ITPR2: variants seen among roughly 807,000 people sequenced by gnomAD.
ITPR2 encodes the protein inositol 1,4,5-trisphosphate receptor type 2.
In ITPR2, 207 loss-of-function variants were observed where a neutral mutation model predicts 317.1. The ratio of observed to expected loss-of-function variants is 0.65; its 90% CI spans 0.58 to 0.73. The LOEUF is 0.73. Among genes scored for constraint, ITPR2 ranks in the 30% least tolerant of loss-of-function variants. ITPR2 has a pLI of 0.00. For missense variants in ITPR2, 2,613 were observed against 3,284.0 expected (o/e 0.80, Z 4.99); for synonymous variants, 1,156 against 1,149.1 (o/e 1.01, Z -0.12).
chr12:26,772,491 C>CATGTATTATATATATAATAT (rs3064583), intron 2 of ITPR2, among the ~76,000 whole-genome samples: 12,609 of 98,874 alleles, frequency 0.13, 1,793 homozygotes, highest in Non-Finnish European at 0.2. Context: ...ATATATAATA[C>CATGTATTATATATATAATAT]ATATAATACA....
At chr12:26,489,111 T>C (rs1942738372) in intron 39 of ITPR2, among the ~76,000 whole-genome samples, 1 of 152,156 alleles carries the variant, frequency 6.6e-6, no homozygotes, top group Non-Finnish European at 1.5e-5. Context: ...AACAACACGA[T>C]TTTAAAAAGG....
At chr12:26,811,434 C>A (rs1950743482) in intron 1 of ITPR2, among the ~76,000 whole-genome samples, 1 of 151,100 alleles carries the variant, frequency 6.6e-6, no homozygotes, top group African/African-American at 2.4e-5. Context: ...CGCGGTGAAA[C>A]CCCATCTCTA....
At chr12:26,414,848 T>G (rs868415851) in intron 51 of ITPR2, among the ~76,000 whole-genome samples, 1 of 152,156 alleles carries the variant, frequency 6.6e-6, no homozygotes, top group Non-Finnish European at 1.5e-5. Flanking sequence ...TCTTATGATC[T>G]GGTGGTTTCA....
chr12:26,655,019 T>C (rs1352260725), intron 20 of ITPR2, among the ~76,000 whole-genome samples: 2 of 152,236 alleles, frequency 1.3e-5, no homozygotes, highest in Non-Finnish European at 2.9e-5. Flanking sequence ...TGGAGTAATT[T>C]GTTATACACC....
intron 1 of ITPR2, among the ~76,000 whole-genome samples, chr12:26,805,366 C>T (rs962896192): frequency 6.6e-6 from 1 of 152,174 alleles, no homozygotes; most frequent in Admixed American, 6.5e-5. Context: ...CCATCATTAT[C>T]ATCATTATTA....
intron 10 of ITPR2, among the ~76,000 whole-genome samples, chr12:26,691,762 G>A (rs186721248): frequency 6.6e-6 from 1 of 151,936 alleles, no homozygotes; most frequent in Admixed American, 6.6e-5. Context: ...TTCTGTTGTT[G>A]GGAGCCAGAG....
intron 36 of ITPR2, among the ~76,000 whole-genome samples, chr12:26,551,117 T>G (rs182667240): frequency 6.6e-6 from 1 of 152,168 alleles, no homozygotes; most frequent in Middle Eastern, 3.2e-3. Context: ...ATAGCTCATG[T>G]TGTTAAAAAG....
At chr12:26,619,335 C>A (rs1285946292) in intron 26 of ITPR2, among the ~76,000 whole-genome samples, 1 of 152,166 alleles carries the variant, frequency 6.6e-6, no homozygotes, top group Non-Finnish European at 1.5e-5. Context: ...CTGTTGGTTG[C>A]TAACCAACAT....
intron 2 of ITPR2, among the ~76,000 whole-genome samples, chr12:26,737,013 T>C (rs1335472376): frequency 6.6e-6 from 1 of 152,180 alleles, no homozygotes. Flanking sequence ...AACTTCTACA[T>C]GTAAACGAGG....
intron 45 of ITPR2, among the ~76,000 whole-genome samples, chr12:26,474,229 G>A (rs1942358254): frequency 6.6e-6 from 1 of 152,092 alleles, no homozygotes; most frequent in African/African-American, 2.4e-5. Flanking sequence ...AAACGTACAG[G>A]GAAACAGAAG....
At chr12:26,641,153 T>C (rs1178459961) in intron 21 of ITPR2, among the ~76,000 whole-genome samples, 1 of 152,136 alleles carries the variant, frequency 6.6e-6, no homozygotes, top group Non-Finnish European at 1.5e-5. Flanking sequence ...AAGAGATCTT[T>C]AGCTGGTAAA....
chr12:26,499,004 C>T (rs1943010643), intron 37 of ITPR2, among the ~76,000 whole-genome samples: 1 of 152,098 alleles, frequency 6.6e-6, no homozygotes, highest in African/African-American at 2.4e-5. Flanking sequence ...CTGGAAGAAT[C>T]TTTTAATCAC....
chr12:26,483,932 C>A lies in ITPR2; in HGVS notation c.5812-34G>T, dbSNP rs371773342. On this transcript the variant is annotated intron_variant, in intron 41 of 56. Transcript: ENST00000381340. ...AAAAGAAAATAAAATTGAAGGGTTACAAAAATTCACTGTGCTGATTGTTTG... is the reference window on the plus strand; with the variant it reads ...AAAAGAAAATAAAATTGAAGGGTTAAAAAAATTCACTGTGCTGATTGTTTG... 1.1e-4 allele frequency: 163 copies of A among 1,551,858 alleles called. No homozygotes were observed. The African/African-American group carries it at 1.9e-3, about 18-fold the overall frequency.
chr12:26,629,035 C>G (rs1264445191), intron 22 of ITPR2, among the ~76,000 whole-genome samples: 1 of 152,170 alleles, frequency 6.6e-6, no homozygotes, highest in Admixed American at 6.5e-5. Flanking sequence ...CCTACATTCT[C>G]AAAAGTGTCG....
At chr12:26,596,760 C>CAATT in intron 31 of ITPR2, 123 bp downstream of exon 31, 1 of 673,790 alleles carries the variant, frequency 1.5e-6, no homozygotes, top group Non-Finnish European at 2.2e-6. Flanking sequence ...TAGTTAAATA[C>CAATT]AATTCCCTGA....
chr12:26,416,834 A>C (rs2136681196), intron 50 of ITPR2, among the ~76,000 whole-genome samples: 1 of 152,262 alleles, frequency 6.6e-6, no homozygotes, highest in South Asian at 2.1e-4. Context: ...ATTTTTCTTT[A>C]AGTCAACTCA....
intron 37 of ITPR2, among the ~76,000 whole-genome samples, chr12:26,533,625 T>C (rs1944004449): frequency 6.6e-6 from 1 of 152,178 alleles, no homozygotes; most frequent in Non-Finnish European, 1.5e-5. Context: ...TGGACCCTAA[T>C]TCAATATTAC....
At chr12:26,825,334 T>C (rs1037483300) in intron 1 of ITPR2, among the ~76,000 whole-genome samples, 18 of 152,238 alleles carry the variant, frequency 1.2e-4, no homozygotes, top group Admixed American at 6.5e-5. Context: ...AGTTCTGATA[T>C]TTTAAAAACC....
chr12:26,688,556 G>A (rs1422607387), intron 10 of ITPR2, among the ~76,000 whole-genome samples: 3 of 152,100 alleles, frequency 2.0e-5, no homozygotes, highest in Non-Finnish European at 2.9e-5. Context: ...AGAAGAAGGA[G>A]AAGGGAAAAG....
Sources: gnomAD v4.1 joint callset for allele counts (sites outside exome capture counted in the v4.1 genomes callset) on GRCh38, gnomAD v4.1.1 for gene constraint, MANE v1.5 for transcripts, NCBI Gene and HGNC (gene_info 2026-07-23, HGNC 2026-07-21) for gene names.